IPO5: variants seen among roughly 807,000 people sequenced by gnomAD.
IPO5 encodes the protein importin 5.
IPO5 carries 18 observed loss-of-function variants against 143.3 expected under a neutral mutation model. The observed-to-expected ratio is 0.13, with a 90% CI of 0.09 to 0.19. The LOEUF (loss-of-function observed/expected upper bound fraction) is 0.19. Ranked by LOEUF, IPO5 falls within the 10% of genes least tolerant of loss-of-function variation. The pLI, the probability that IPO5 is intolerant of heterozygous loss-of-function variation, is 1.00. For missense variants in IPO5, 1,013 were observed against 1,336.9 expected (o/e 0.76, Z 3.78); for synonymous variants, 477 against 465.7 (o/e 1.02, Z -0.31).
rs1007803696 is a variant in IPO5, at chr13:97,954,132, G to A, written c.-179G>A. 4 of 253,526 alleles carry A rather than the reference G, an allele frequency of 1.6e-5. No individual in the cohort carries two copies. Among genetic ancestry groups the A allele is most frequent in the Non-Finnish European group, 3.2e-5 (4 of 125,968 alleles). The allele number at this position is 253,526 out of a possible 1,614,324, so 15.7% of individuals were successfully genotyped here. Reference sequence around the variant, plus strand: ...TATTTCACTTAGGTGGTTCCGGGGAGAAGCCTTTCCAGGACCCATGTGTAG... The same window carrying A: ...TATTTCACTTAGGTGGTTCCGGGGAAAAGCCTTTCCAGGACCCATGTGTAG... On this transcript the variant is annotated 5_prime_UTR_variant, in exon 2 of 29. Coordinates refer to ENST00000651721, the MANE Select transcript of IPO5 (RefSeq NM_002271.6).
intron 2 of IPO5, among the ~76,000 whole-genome samples, chr13:97,959,658 C>T (rs1402486461): frequency 6.6e-6 from 1 of 151,798 alleles, no homozygotes; most frequent in Non-Finnish European, 1.5e-5. Context: ...TGCTTGAACC[C>T]GGGAGGCGTA....
At position 98,000,603 on chromosome 13, in the gene IPO5, C is replaced by G. The variant is rs764059049; in HGVS notation, c.1066C>G (p.Leu356Val). ...MACGLGGKLV[L>V]PMIKEHIMQM... ...TTGCGGACTTGGTGGAAAGCTCGTT[C>G]TGCCGATGATCAAGGAACACATTAT... Residue 356 changes from leucine (L) to valine (V), a missense_variant, in exon 13 of 29, where the codon CTG (leucine) becomes GTG (valine). Leu to Val is a conservative substitution (Grantham distance 32). Transcript: ENST00000651721. The G allele has an allele frequency of 6.2e-7, 1 of 1,613,998 alleles. No individual in the cohort carries two copies. Among genetic ancestry groups the G allele is most frequent in the African/African-American group, 1.3e-5 (1 of 74,932 alleles).
At chr13:97,970,101 A>AAT (rs1259538793) in intron 3 of IPO5, among the ~76,000 whole-genome samples, 1 of 152,236 alleles carries the variant, frequency 6.6e-6, no homozygotes, top group Non-Finnish European at 1.5e-5. Context: ...ATCGAAATAT[A>AAT]ATATGAGCCA....
At chr13:98,003,228 A>C (rs17235870) in intron 16 of IPO5, among the ~76,000 whole-genome samples, 191 bp downstream of exon 16, 2,163 of 152,318 alleles carry the variant, frequency 0.014, 91 homozygotes, top group East Asian at 0.14. Context: ...TGGGCTGATA[A>C]TTGGAATTGG....
intron 11 of IPO5, among the ~76,000 whole-genome samples, chr13:97,995,629 G>C (rs960476851): frequency 2.0e-5 from 3 of 151,592 alleles, no homozygotes; most frequent in African/African-American, 7.3e-5. Flanking sequence ...GGTGGCGGGC[G>C]CCTGTAGTCC....
At chr13:98,010,876 G>A (rs918639180) in intron 20 of IPO5, among the ~76,000 whole-genome samples, 3 of 139,202 alleles carry the variant, frequency 2.2e-5, no homozygotes, top group Middle Eastern at 4.1e-3. Context: ...CACCTCTGGC[G>A]TTCAGTTGAT....
chr13:97,967,426 T>G (rs1165126291), intron 2 of IPO5, among the ~76,000 whole-genome samples: 1 of 152,130 alleles, frequency 6.6e-6, no homozygotes, highest in Non-Finnish European at 1.5e-5. Context: ...TCTTCCTTTC[T>G]CTTTCTTTCT....
chr13:98,002,657 T>C (rs1234962519), intron 14 of IPO5, 27 bp from the exon 15 acceptor site: 1 of 1,606,856 alleles, frequency 6.2e-7, no homozygotes. Context: ...CTTCTTGCTT[T>C]TACTAATGAA....
At chr13:98,006,858 G>T (rs1197172420) in intron 17 of IPO5, among the ~76,000 whole-genome samples, 3 of 148,248 alleles carry the variant, frequency 2.0e-5, no homozygotes, top group Non-Finnish European at 3.0e-5. Context: ...TTGTTTGTTT[G>T]GTTTGGTGTT....
chr13:98,021,620 A>C, intron 28 of IPO5, 116 bp from the exon 29 acceptor site: 2 of 495,570 alleles, frequency 4.0e-6, no homozygotes, highest in Non-Finnish European at 3.5e-6. Flanking sequence ...ACTCATCAAA[A>C]TAATGTACCT....
intron 2 of IPO5, among the ~76,000 whole-genome samples, chr13:97,960,992 C>T (rs1356689086): frequency 6.6e-6 from 1 of 152,176 alleles, no homozygotes; most frequent in Non-Finnish European, 1.5e-5. Flanking sequence ...CCCCTACCCA[C>T]CCCATGCCCA....
intron 20 of IPO5, among the ~76,000 whole-genome samples, chr13:98,011,576 G>T (rs994518058): frequency 6.9e-6 from 1 of 144,504 alleles, no homozygotes; most frequent in Non-Finnish European, 1.5e-5. Context: ...GTGCCATCCC[G>T]GCTCACTGCC....
At chr13:97,994,634 C>A (rs942593192) in intron 11 of IPO5, among the ~76,000 whole-genome samples, 7 of 152,142 alleles carry the variant, frequency 4.6e-5, no homozygotes, top group Non-Finnish European at 1.0e-4. Context: ...TCCTGAAATT[C>A]TTCTGAAAGA....
intron 2 of IPO5, among the ~76,000 whole-genome samples, chr13:97,958,845 C>G (rs1027303757): frequency 2.6e-5 from 4 of 151,534 alleles, no homozygotes; most frequent in Admixed American, 6.6e-5. Flanking sequence ...TTTCTTAACC[C>G]TCCACTAGAT....
chr13:98,016,611 A>T, intron 24 of IPO5, 118 bp from the exon 25 acceptor site: 1 of 552,920 alleles, frequency 1.8e-6, no homozygotes, highest in Non-Finnish European at 2.9e-6. Context: ...ATTTACCCTT[A>T]AAACAGGAAT....
At chr13:98,001,191 C>G (rs964821541) in intron 13 of IPO5, among the ~76,000 whole-genome samples, 1 of 152,068 alleles carries the variant, frequency 6.6e-6, no homozygotes, top group Non-Finnish European at 1.5e-5. Context: ...CTTTTTATTT[C>G]TATGAATATT....
intron 9 of IPO5, among the ~76,000 whole-genome samples, chr13:97,991,740 G>C (rs1238582860): frequency 6.6e-6 from 1 of 152,156 alleles, no homozygotes; most frequent in African/African-American, 2.4e-5. Context: ...CATTGGAGGG[G>C]GGGATAACAG....
intron 25 of IPO5, among the ~76,000 whole-genome samples, chr13:98,017,355 TGGA>T (rs1313110571): frequency 6.6e-6 from 1 of 151,998 alleles, no homozygotes; most frequent in African/African-American, 2.4e-5. Context: ...TTTCTCAAGA[TGGA>T]GTCTTGCTCT....
At chr13:98,020,146 A>G (rs1281956928) in intron 27 of IPO5, among the ~76,000 whole-genome samples, 2 of 152,126 alleles carry the variant, frequency 1.3e-5, no homozygotes, top group South Asian at 2.1e-4. Flanking sequence ...TGGCCTCAAG[A>G]GATCCTCCCA....
Sources: gnomAD v4.1 joint callset for allele counts (sites outside exome capture counted in the v4.1 genomes callset) on GRCh38, gnomAD v4.1.1 for gene constraint, MANE v1.5 for transcripts, NCBI Gene and HGNC (gene_info 2026-07-23, HGNC 2026-07-21) for gene names.